Variants in DOCK3 observed in about 807,000 individuals in gnomAD.
The protein encoded by DOCK3 is dedicator of cytokinesis 3, also known as dedicator of cytokinesis protein 3.
Under a neutral mutation model 265.6 loss-of-function variants are expected in DOCK3, and 60 were observed. That is an observed-to-expected ratio of 0.23 (90% CI 0.18 to 0.28). DOCK3 has a LOEUF of 0.28. Among genes scored for constraint, DOCK3 ranks in the 10% least tolerant of loss-of-function variants. The pLI, the probability that DOCK3 is intolerant of heterozygous loss-of-function variation, is 1.00. For missense variants in DOCK3, 1,981 were observed against 2,594.3 expected (o/e 0.76, Z 5.14); for synonymous variants, 881 against 938.0 (o/e 0.94, Z 1.11).
At chr3:51,035,966 A>G (rs1179160921) in intron 5 of DOCK3, among the ~76,000 whole-genome samples, 1 of 152,110 alleles carries the variant, frequency 6.6e-6, no homozygotes, top group Non-Finnish European at 1.5e-5. Context: ...CTGGTTGCCT[A>G]TAATCTTCTC....
chr3:51,029,546 C>T (rs778546805), intron 5 of DOCK3, among the ~76,000 whole-genome samples: 1 of 152,216 alleles, frequency 6.6e-6, no homozygotes, highest in Non-Finnish European at 1.5e-5. Context: ...ATGATTCTCT[C>T]TTCATGTTCA....
intron 2 of DOCK3, among the ~76,000 whole-genome samples, chr3:50,797,051 A>G (rs1438331335): frequency 6.6e-6 from 1 of 152,218 alleles, no homozygotes; most frequent in Non-Finnish European, 1.5e-5. Context: ...TGGTGGCAGC[A>G]GGATCCATGT....
intron 27 of DOCK3, among the ~76,000 whole-genome samples, chr3:51,283,854 C>T (rs2081273125): frequency 6.6e-6 from 1 of 152,100 alleles, no homozygotes; most frequent in South Asian, 2.1e-4. Context: ...TTCGTATGGG[C>T]ATGTAAGCAC....
intron 9 of DOCK3, among the ~76,000 whole-genome samples, chr3:51,137,198 A>G (rs1434305786): frequency 6.6e-6 from 1 of 152,188 alleles, no homozygotes; most frequent in African/African-American, 2.4e-5. Flanking sequence ...CAAGTGATCT[A>G]AATTGGAAAA....
chr3:51,261,695 A>G (rs1396926797), intron 23 of DOCK3, among the ~76,000 whole-genome samples: 1 of 152,192 alleles, frequency 6.6e-6, no homozygotes, highest in Non-Finnish European at 1.5e-5. Flanking sequence ...CAGCAGTCTG[A>G]TGTCGATCTG....
At chr3:51,176,696 T>C (rs573576487) in intron 12 of DOCK3, among the ~76,000 whole-genome samples, 2 of 152,270 alleles carry the variant, frequency 1.3e-5, no homozygotes, top group Admixed American at 6.5e-5. Context: ...CCTTCAACTT[T>C]GTTACCTTTT....
chr3:51,011,087 A>C (rs988012340), intron 5 of DOCK3, among the ~76,000 whole-genome samples: 8 of 151,986 alleles, frequency 5.3e-5, no homozygotes, highest in Non-Finnish European at 8.8e-5. Context: ...TGAATCTGAC[A>C]ATTATGTGTC....
chr3:50,978,798 C>T (rs1461272408), intron 5 of DOCK3, among the ~76,000 whole-genome samples: 1 of 152,190 alleles, frequency 6.6e-6, no homozygotes, highest in African/African-American at 2.4e-5. Flanking sequence ...ATCAGTGAGT[C>T]TCCGTGGGCG....
intron 2 of DOCK3, among the ~76,000 whole-genome samples, chr3:50,836,450 C>G (rs2045516186): frequency 6.6e-6 from 1 of 152,230 alleles, no homozygotes; most frequent in Non-Finnish European, 1.5e-5. Flanking sequence ...AAGCAGCAGC[C>G]TGAGCTGTAC....
intron 1 of DOCK3, among the ~76,000 whole-genome samples, chr3:50,701,847 G>A (rs2036061405): frequency 6.6e-6 from 1 of 152,014 alleles, no homozygotes; most frequent in South Asian, 2.1e-4. Context: ...TATATTTTTG[G>A]CACCTTTGTT....
At chr3:51,338,060 T>C (rs898907627) in intron 35 of DOCK3, among the ~76,000 whole-genome samples, 6 of 152,346 alleles carry the variant, frequency 3.9e-5, no homozygotes, top group Middle Eastern at 3.4e-3. Context: ...TTAATTCATA[T>C]ACCCTTTTGT....
intron 1 of DOCK3, among the ~76,000 whole-genome samples, chr3:50,765,072 G>GTTT (rs34672189): frequency 4.2e-5 from 2 of 47,432 alleles, no homozygotes; most frequent in African/African-American, 8.4e-5. Flanking sequence ...ACTTTCTTAG[G>GTTT]TTTTTTTTTT....
intron 2 of DOCK3, among the ~76,000 whole-genome samples, chr3:50,804,738 G>GGA (rs2043307294): frequency 1.3e-5 from 2 of 151,780 alleles, no homozygotes; most frequent in Non-Finnish European, 2.9e-5. Context: ...GGAGAGAGAG[G>GGA]GAGAGAGAGA....
intron 2 of DOCK3, among the ~76,000 whole-genome samples, chr3:50,796,431 C>T (rs1029643627): frequency 2.0e-5 from 3 of 151,664 alleles, no homozygotes; most frequent in South Asian, 2.1e-4. Context: ...CTCTGCCTCC[C>T]GGGTTCAAGC....
intron 27 of DOCK3, among the ~76,000 whole-genome samples, chr3:51,297,501 A>G (rs1490510372): frequency 6.6e-6 from 1 of 152,222 alleles, no homozygotes; most frequent in Admixed American, 6.5e-5. Flanking sequence ...AGAAAACTCA[A>G]TTTAAAAATG....
At chr3:50,907,453 T>A (rs1362409133) in intron 4 of DOCK3, among the ~76,000 whole-genome samples, 1 of 152,170 alleles carries the variant, frequency 6.6e-6, no homozygotes, top group Admixed American at 6.5e-5. Flanking sequence ...TGGGTGCATA[T>A]ATGCTTAGGA....
At chr3:51,208,457 T>A (rs981697421) in intron 12 of DOCK3, among the ~76,000 whole-genome samples, 2 of 152,172 alleles carry the variant, frequency 1.3e-5, no homozygotes, top group African/African-American at 4.8e-5. Flanking sequence ...CTGGGGCCTG[T>A]TTATATGTCT....
At chr3:51,127,321 A>G (rs548161237) in intron 9 of DOCK3, among the ~76,000 whole-genome samples, 4 of 152,266 alleles carry the variant, frequency 2.6e-5, no homozygotes, top group African/African-American at 9.6e-5. Context: ...CTTCAATCCA[A>G]TCAAGTTGAC....
intron 1 of DOCK3, among the ~76,000 whole-genome samples, chr3:50,769,811 CAAAAAAAAAA>C (rs3066895): frequency 1.1e-3 from 101 of 88,520 alleles, no homozygotes; most frequent in Admixed American, 3.0e-3. Flanking sequence ...GACTCTGTCT[CAAAAAAAAAA>C]AAAAAAAAAA....
Sources: allele counts gnomAD v4.1 joint callset (sites outside exome capture counted in the v4.1 genomes callset), GRCh38; gene constraint gnomAD v4.1.1; transcripts MANE v1.5; gene names NCBI Gene and HGNC (gene_info 2026-07-23, HGNC 2026-07-21).